Variants in ADD2 observed in about 807,000 individuals in gnomAD.
ADD2 encodes the protein adducin 2, also known as beta-adducin.
Under a neutral mutation model 83.0 loss-of-function variants are expected in ADD2, and 23 were observed. The observed-to-expected ratio is 0.28, with a 90% CI of 0.20 to 0.39. ADD2 has a LOEUF of 0.39. Ranked by LOEUF, ADD2 falls within the 10% of genes least tolerant of loss-of-function variation. ADD2 has a pLI of 1.00. For missense variants in ADD2, 758 were observed against 944.9 expected (o/e 0.80, Z 2.59); for synonymous variants, 375 against 375.4 (o/e 1.00, Z 0.01).
chr2:70,709,871 C>T (rs34021697), intron 2 of ADD2, among the ~76,000 whole-genome samples: 75 of 152,332 alleles, frequency 4.9e-4, no homozygotes, highest in Middle Eastern at 3.4e-3. Flanking sequence ...CTATCATGCT[C>T]ACACCCAACC....
At chr2:70,724,476 C>G (rs1672881420) in intron 1 of ADD2, among the ~76,000 whole-genome samples, 1 of 152,148 alleles carries the variant, frequency 6.6e-6, no homozygotes, top group Admixed American at 6.5e-5. Context: ...TCTGCCCCCG[C>G]CCACCCTCAC....
chr2:70,688,311 C>T lies in ADD2; in HGVS notation c.850-189G>A, dbSNP rs558850710. Among the ~76,000 whole-genome samples, 14 of 152,358 alleles carry T rather than the reference C, an allele frequency of 9.2e-5. No homozygotes were observed. In the South Asian group the frequency reaches 2.9e-3, roughly 32 times the overall value. On this transcript the variant is annotated intron_variant, in intron 8 of 15. Transcript: ENST00000264436. The stretch of plus-strand genomic sequence containing the variant: ...GGGATTTTAACTCAAAGCATCTACC[C>T]TAAGAAATTGAAAAGACATTTTAAA...
chr2:70,734,870 C>G (rs941703924), intron 1 of ADD2, among the ~76,000 whole-genome samples: 7 of 152,160 alleles, frequency 4.6e-5, no homozygotes, highest in Non-Finnish European at 8.8e-5. Flanking sequence ...AAACCAAGAG[C>G]CCTGAGAGAT....
chr2:70,723,964 G>GA (rs1672856442), intron 1 of ADD2, among the ~76,000 whole-genome samples: 1 of 152,226 alleles, frequency 6.6e-6, no homozygotes, highest in South Asian at 2.1e-4. Context: ...CACATTCAAT[G>GA]AGGCTTCATA....
intron 1 of ADD2, among the ~76,000 whole-genome samples, chr2:70,721,515 A>G (rs1383888010): frequency 1.3e-5 from 2 of 152,168 alleles, no homozygotes; most frequent in Non-Finnish European, 2.9e-5. Flanking sequence ...CTTCCCCTGA[A>G]GTGTATTTTC....
At chr2:70,746,733 T>C (rs565357453) in intron 1 of ADD2, among the ~76,000 whole-genome samples, 1 of 152,284 alleles carries the variant, frequency 6.6e-6, no homozygotes, top group Admixed American at 6.5e-5. Context: ...TCCACTGGCC[T>C]CTAGGATTTC....
intron 1 of ADD2, among the ~76,000 whole-genome samples, chr2:70,717,322 T>G (rs1672522585): frequency 6.6e-6 from 1 of 152,176 alleles, no homozygotes; most frequent in Non-Finnish European, 1.5e-5. Flanking sequence ...TCGTTCCTTG[T>G]GGCTATAAGA....
rs537707600 is a variant in ADD2, at chr2:70,681,355, A to G, written c.1125+2236T>C. On this transcript the variant is annotated intron_variant, in intron 10 of 15. Coordinates refer to ENST00000264436, the MANE Select transcript of ADD2 (RefSeq NM_001617.4). ...ACCTTAGCCCCCTACCCACCAAACT[A>G]TCTTTGAATCTTCCTGGCACAGTGG... is the stretch of plus-strand genomic sequence containing the variant. Among the ~76,000 whole-genome samples the G allele has an allele frequency of 4.6e-5, 7 of 152,176 alleles. No individual in the cohort carries two copies. The South Asian group carries it at 1.2e-3, about 27-fold the overall frequency.
chr2:70,717,258 C>T (rs990406201), intron 1 of ADD2, among the ~76,000 whole-genome samples: 4 of 152,200 alleles, frequency 2.6e-5, no homozygotes, highest in Non-Finnish European at 4.4e-5. Flanking sequence ...TTCCCTGTCC[C>T]ACTGAAGACC....
intron 1 of ADD2, among the ~76,000 whole-genome samples, chr2:70,738,082 T>C (rs1218911476): frequency 6.6e-6 from 1 of 152,206 alleles, no homozygotes; most frequent in East Asian, 1.9e-4. Flanking sequence ...CTCGTGTTGT[T>C]TCTGCAGCTT....
intron 1 of ADD2, among the ~76,000 whole-genome samples, chr2:70,717,514 A>G (rs1553376611): frequency 6.6e-6 from 1 of 152,170 alleles, no homozygotes; most frequent in Admixed American, 6.5e-5. Flanking sequence ...CAAAGTGGAA[A>G]GACGCAAGCT....
chr2:70,695,368 G>A (rs920618978), intron 6 of ADD2, among the ~76,000 whole-genome samples: 8 of 152,072 alleles, frequency 5.3e-5, no homozygotes, highest in African/African-American at 9.7e-5. Context: ...GACAAATCTC[G>A]TGCTGCTTTG....
At chr2:70,695,659 G>T in intron 6 of ADD2, 62 bp downstream of exon 6, 1 of 1,492,872 alleles carries the variant, frequency 6.7e-7, no homozygotes, top group Non-Finnish European at 9.3e-7. Context: ...CTAGCACTGT[G>T]GGAACAGAGA....
Position 70,676,154 on chromosome 2 carries a change from GCAAGGAGCA to G in ADD2, c.1593+633_1593+641del, listed in dbSNP as rs1670128664. On this transcript the variant is annotated intron_variant, in intron 13 of 15. Coordinates refer to ENST00000264436, the MANE Select transcript of ADD2 (RefSeq NM_001617.4). This position sits in a 1 kb window ranked among gnomAD's most constrained non-coding sequence, Gnocchi z 4.8. ...AAAATGTCATGCCCATTGCTACCTT[GCAAGGAGCA>G]GCAGTGATTTCAAACACATGCCAGA... 2.0e-6 allele frequency: 2 copies of G among 985,390 alleles called. No individual in the cohort carries two copies. The highest frequency in any genetic ancestry group is 1.7e-5 in the African/African-American group (1 of 57,234). 61.0% of individuals were successfully genotyped at this position (985,390 alleles called of 1,614,324 possible).
intron 13 of ADD2, chr2:70,675,197 G>C: frequency 9.8e-7 from 1 of 1,017,036 alleles, no homozygotes; most frequent in Non-Finnish European, 1.2e-6. Flanking sequence ...AGCCCAGCAA[G>C]CATAGCATTG....
At chr2:70,685,955 C>A (rs1670700879) in intron 9 of ADD2, among the ~76,000 whole-genome samples, 1 of 152,184 alleles carries the variant, frequency 6.6e-6, no homozygotes, top group South Asian at 2.1e-4. Flanking sequence ...CCTGGAACCC[C>A]AAATTGATGG....
intron 15 of ADD2, among the ~76,000 whole-genome samples, chr2:70,671,545 T>C (rs922602943): frequency 5.9e-5 from 9 of 152,152 alleles, no homozygotes; most frequent in Admixed American, 2.0e-4. Context: ...AGTGAGTTAG[T>C]AAACAGCCTC....
chr2:70,681,383 C>T (rs1184933637), intron 10 of ADD2, among the ~76,000 whole-genome samples: 2 of 152,178 alleles, frequency 1.3e-5, no homozygotes, highest in African/African-American at 4.8e-5. Context: ...CACAGTGGCT[C>T]ACACCTGTAA....
chr2:70,677,910 A>G (rs782294118), intron 11 of ADD2, 33 bp from the exon 12 acceptor site: 3 of 1,613,358 alleles, frequency 1.9e-6, no homozygotes, highest in Non-Finnish European at 2.5e-6. Context: ...GGCTGAGGTG[A>G]GGGAACAGGC....
Sources: gnomAD v4.1 joint callset for allele counts (sites outside exome capture counted in the v4.1 genomes callset) on GRCh38, gnomAD v4.1.1 for gene constraint, Gnocchi (gnomAD v3.1) non-coding constraint, MANE v1.5 for transcripts, NCBI Gene and HGNC (gene_info 2026-07-23, HGNC 2026-07-21) for gene names.